Variants in NEBL observed in about 807,000 individuals in gnomAD.
NEBL encodes LIM and SH3 protein 2.
A neutral mutation model predicts 140.2 loss-of-function variants in NEBL; 122 were observed. The ratio of observed to expected loss-of-function variants is 0.87; its 90% CI spans 0.75 to 1.01. The LOEUF (loss-of-function observed/expected upper bound fraction) is 1.01, where lower values mean the gene tolerates loss of function less well. Ranked by LOEUF, NEBL falls within the 50% of genes least tolerant of loss-of-function variation. The pLI is 0.00. For missense variants in NEBL, 1,365 were observed against 1,231.3 expected, an observed-to-expected ratio of 1.11 and a Z score of -1.62; for synonymous variants, 436 against 398.9, an observed-to-expected ratio of 1.09 and a Z score of -1.11.
chr10:21,074,720 C>A lies in NEBL; in HGVS notation c.165-54519G>T, dbSNP rs376535051. Among the ~76,000 whole-genome samples, 3 of 151,958 alleles carry A rather than the reference C, an allele frequency of 2.0e-5. 1 individual carries two copies. Among genetic ancestry groups the A allele is most frequent in the African/African-American group, 7.3e-5 (3 of 41,376 alleles). On this transcript the variant is annotated intron_variant, in intron 2 of 6. Coordinates refer to the NEBL transcript ENST00000417816. ...ATCTTGATCTCCTGACCTCATGATC[C>A]GCCTGCCTCGGCCTCCCAAAGTGCT...
intron 2 of NEBL, among the ~76,000 whole-genome samples, chr10:20,894,136 A>G (rs1276234700): frequency 1.3e-5 from 2 of 152,238 alleles, no homozygotes; most frequent in Non-Finnish European, 2.9e-5. Flanking sequence ...ATTAGGCTGC[A>G]CCATGAAGAG....
intron 4 of NEBL, among the ~76,000 whole-genome samples, chr10:20,958,285 T>A (rs1835897372): frequency 1.3e-5 from 2 of 152,190 alleles, no homozygotes; most frequent in South Asian, 4.1e-4. Flanking sequence ...ACAAAGATAT[T>A]TCTGCCATTT....
chr10:21,276,488 T>C (rs2132294009), intron 1 of NEBL, among the ~76,000 whole-genome samples: 1 of 152,246 alleles, frequency 6.6e-6, no homozygotes, highest in African/African-American at 2.4e-5. Context: ...AAGCCTCTTC[T>C]CACCAAAACT....
At chr10:20,796,574 T>C (rs537320316) in intron 26 of NEBL, among the ~76,000 whole-genome samples, 1 of 152,218 alleles carries the variant, frequency 6.6e-6, no homozygotes, top group Non-Finnish European at 1.5e-5. Context: ...AGTCTGCAAA[T>C]GTTCTGACAG....
intron 2 of NEBL, among the ~76,000 whole-genome samples, chr10:21,041,552 C>G (rs1275532115): frequency 6.6e-6 from 1 of 152,152 alleles, no homozygotes; most frequent in Admixed American, 6.5e-5. Context: ...GAAGGTTATA[C>G]TAACCTTCAG....
intron 2 of NEBL, among the ~76,000 whole-genome samples, chr10:21,154,943 G>A (rs1451685848): frequency 6.6e-6 from 1 of 152,226 alleles, no homozygotes; most frequent in African/African-American, 2.4e-5. Context: ...GCTCACGCCT[G>A]TAATCCCAGC....
Position 21,039,937 on chromosome 10 carries a change from G to A in NEBL, c.165-19736C>T, listed in dbSNP as rs549635669. Among the ~76,000 whole-genome samples, 9 of 152,322 alleles carry A rather than the reference G, an allele frequency of 5.9e-5. No individual in the cohort carries two copies. The South Asian group carries it at 1.0e-3, about 18-fold the overall frequency. On this transcript the variant is annotated intron_variant, in intron 2 of 6. Transcript: ENST00000417816. ...GAAGAATGGGAGGATGCAGTAGACC[G>A]TGACATGTGGGATGATCCTTTTGAC...
intron 3 of NEBL, chr10:21,020,006 C>T (rs1433359343): frequency 1.1e-6 from 1 of 941,524 alleles, no homozygotes. Context: ...TTTCAGCCTC[C>T]ACACCGGCTG....
chr10:20,935,237 C>T (rs760575257), intron 4 of NEBL, among the ~76,000 whole-genome samples: 6 of 152,176 alleles, frequency 3.9e-5, no homozygotes, highest in African/African-American at 7.2e-5. Context: ...TTGTATAATA[C>T]ACAACATGGG....
At chr10:21,086,360 A>G (rs1161936704) in intron 2 of NEBL, among the ~76,000 whole-genome samples, 1 of 152,244 alleles carries the variant, frequency 6.6e-6, no homozygotes, top group Non-Finnish European at 1.5e-5. Context: ...AAACAAGGTG[A>G]TGCTATTTCC....
In NEBL at chr10:21,173,205, G is replaced by A. The variant is rs1286512360; in HGVS notation, c.69+560C>T. ...TTCCCCTGGAATTCCCCACCCGGTG[G>A]ATTAGACACCCGTGGGTCCGGCTTG... is the stretch of plus-strand genomic sequence containing the variant. On this transcript the variant is annotated intron_variant, in intron 1 of 6. Transcript: ENST00000417816. This position sits in a 1 kb window ranked among gnomAD's most constrained non-coding sequence, Gnocchi z 5.7. Among the ~76,000 whole-genome samples the A allele has an allele frequency of 6.6e-6, 1 of 152,220 alleles. No homozygotes were observed. The highest frequency in any genetic ancestry group is 1.5e-5 in the Non-Finnish European group (1 of 68,036).
intron 3 of NEBL, among the ~76,000 whole-genome samples, chr10:21,011,327 GA>G (rs1838331069): frequency 6.6e-6 from 1 of 152,166 alleles, no homozygotes; most frequent in African/African-American, 2.4e-5. Context: ...TGATACAAAA[GA>G]AAACCAAGCT....
chr10:20,820,385 T>C (rs1839178641), intron 19 of NEBL, among the ~76,000 whole-genome samples: 1 of 152,338 alleles, frequency 6.6e-6, no homozygotes, highest in Admixed American at 6.5e-5. Context: ...AATGAACTTT[T>C]GGCAGACAAA....
chr10:20,923,833 C>CCTTGA (rs1299036944), intron 4 of NEBL, among the ~76,000 whole-genome samples: 1 of 151,940 alleles, frequency 6.6e-6, no homozygotes, highest in Admixed American at 6.6e-5. Flanking sequence ...CAAGGCAGAC[C>CCTTGA]CTTGACTTAG....
chr10:21,126,974 C>CAAAAAAAA (rs55883304), intron 2 of NEBL, among the ~76,000 whole-genome samples: 1 of 64,182 alleles, frequency 1.6e-5, no homozygotes, highest in Non-Finnish European at 3.4e-5. Flanking sequence ...GACCCTGTAT[C>CAAAAAAAA]AAAAAAAAAA....
intron 2 of NEBL, among the ~76,000 whole-genome samples, chr10:21,154,351 C>T (rs1465202703): frequency 2.0e-5 from 3 of 150,226 alleles, no homozygotes; most frequent in South Asian, 2.1e-4. Flanking sequence ...CCCAGCTACT[C>T]GGGAGGCTGA....
At chr10:20,917,202 T>C (rs972994644) in intron 4 of NEBL, among the ~76,000 whole-genome samples, 2 of 152,234 alleles carry the variant, frequency 1.3e-5, no homozygotes, top group Admixed American at 6.5e-5. Context: ...TCTACCATTT[T>C]GTCCTCACCC....
rs1296822170 is a variant in NEBL, at chr10:21,274,839, TA to T, written n.182+17990del. On this transcript the variant is annotated intron_variant and non_coding_transcript_variant, in intron 1 of 8. Coordinates refer to the NEBL transcript ENST00000675702. Reference sequence around the variant, plus strand: ...TTTAAATTATTAATATTAATTATTTTAAAATAAAATTTAAAAAGAAAATATA... The same window carrying T: ...TTTAAATTATTAATATTAATTATTTTAAATAAAATTTAAAAAGAAAATATA... Among the ~76,000 whole-genome samples, 6 of 152,006 alleles carry T rather than the reference TA, an allele frequency of 3.9e-5. No homozygotes were observed. The East Asian group carries it at 1.2e-3, about 29-fold the overall frequency.
chr10:20,893,400 T>C (rs1289493786), intron 2 of NEBL, among the ~76,000 whole-genome samples: 1 of 151,984 alleles, frequency 6.6e-6, no homozygotes, highest in Non-Finnish European at 1.5e-5. Context: ...AACAGAAAAA[T>C]AAAAGAGGCT....
Sources: allele counts gnomAD v4.1 joint callset (sites outside exome capture counted in the v4.1 genomes callset), GRCh38; gene constraint gnomAD v4.1.1; non-coding constraint Gnocchi (gnomAD v3.1); transcripts MANE v1.5; gene names NCBI Gene and HGNC (gene_info 2026-07-23, HGNC 2026-07-21).